Variants in SEMA3E observed in about 807,000 individuals in gnomAD.
The protein encoded by SEMA3E is semaphorin 3E, also known as semaphorin-3E.
SEMA3E carries 49 observed loss-of-function variants against 93.6 expected under a neutral mutation model. That is an observed-to-expected ratio of 0.52 (90% CI 0.42 to 0.66). The LOEUF is 0.66. Among genes scored for constraint, SEMA3E ranks in the 30% least tolerant of loss-of-function variants. The pLI, the probability that SEMA3E is intolerant of heterozygous loss-of-function variation, is 0.00. For synonymous variants in SEMA3E, 363 were observed against 330.7 expected (o/e 1.10, Z -1.06); for missense variants, 906 against 964.8 (o/e 0.94, Z 0.81).
intron 1 of SEMA3E, among the ~76,000 whole-genome samples, chr7:83,527,825 A>T (rs1791192956): frequency 6.6e-6 from 1 of 151,930 alleles, no homozygotes; most frequent in Non-Finnish European, 1.5e-5. Flanking sequence ...GAAACAACTT[A>T]TATCATTTGT....
intron 1 of SEMA3E, among the ~76,000 whole-genome samples, chr7:83,592,994 C>T (rs1466864401): frequency 6.6e-6 from 1 of 151,876 alleles, no homozygotes; most frequent in Non-Finnish European, 1.5e-5. Flanking sequence ...GCTCTGTTGC[C>T]CAGGCTGGAG....
rs369344554 is a variant in SEMA3E, at chr7:83,570,319, C to T, written c.115+78109G>A. Among the ~76,000 whole-genome samples, 568 of 151,498 alleles carry T rather than the reference C, an allele frequency of 3.7e-3. 6 individuals are homozygous for T. The highest frequency in any genetic ancestry group is 0.013 in the African/African-American group (539 of 41,272). On this transcript the variant is annotated intron_variant, in intron 1 of 16. Transcript: ENST00000643230. ...CTGTAATCCCAGCACTTTGGGAGGC[C>T]GAGGCGGGCGGATCACGAGGTCAGG...
Position 83,367,680 on chromosome 7 carries a change from G to C in SEMA3E, c.2234C>G (p.Ser745Ter). Residue 745 changes from serine to a stop codon, truncating the protein, a stop_gained, in exon 17 of 17, where the codon TCA (serine) becomes TGA (stop). Coordinates refer to ENST00000643230, the MANE Select transcript of SEMA3E (RefSeq NM_012431.3). LOFTEE classifies it high-confidence loss of function. ...TDRKRKKLKMSPSKWKYANPQ... is the reference protein window; with the variant it reads ...TDRKRKKLKM ...GTTGGCATACTTCCACTTGGAGGGTGACATTTTAAGCTTTTTCCTCTTTCT... is the reference window on the plus strand; with the variant it reads ...GTTGGCATACTTCCACTTGGAGGGTCACATTTTAAGCTTTTTCCTCTTTCT... 1 of 1,614,112 alleles carries C rather than the reference G, an allele frequency of 6.2e-7. No individual in the cohort carries two copies. The highest frequency in any genetic ancestry group is 8.5e-7 in the Non-Finnish European group (1 of 1,180,032).
At chr7:83,633,029 A>G (rs528972733) in intron 1 of SEMA3E, among the ~76,000 whole-genome samples, 1 of 152,178 alleles carries the variant, frequency 6.6e-6, no homozygotes, top group Admixed American at 6.5e-5. Flanking sequence ...CCTAAACTAT[A>G]GTCTTTTTTT....
chr7:83,443,613 T>C (rs545888883), intron 4 of SEMA3E, among the ~76,000 whole-genome samples: 8 of 152,150 alleles, frequency 5.3e-5, no homozygotes, highest in Non-Finnish European at 1.0e-4. Context: ...AAATGATTAG[T>C]ATAGAAGAGG....
At position 83,406,555 on chromosome 7, in the gene SEMA3E, T is replaced by G. The variant is rs944503835; in HGVS notation, c.814-496A>C. ...CACAATATATATATGCACACATATTTATATGTAAATTTATTTTCGAACATC... is the reference window on the plus strand; with the variant it reads ...CACAATATATATATGCACACATATTGATATGTAAATTTATTTTCGAACATC... On this transcript the variant is annotated intron_variant, in intron 7 of 16. Transcript: ENST00000643230. Among the ~76,000 whole-genome samples, 2 of 136,212 alleles carry G rather than the reference T, an allele frequency of 1.5e-5. 1 individual carries two copies. The highest frequency in any genetic ancestry group is 1.6e-4 in the Admixed American group (2 of 12,348). 89.4% of individuals were successfully genotyped at this position (136,212 alleles called of 152,430 possible).
At chr7:83,562,772 T>C (rs932835777) in intron 1 of SEMA3E, among the ~76,000 whole-genome samples, 10 of 152,028 alleles carry the variant, frequency 6.6e-5, no homozygotes, top group African/African-American at 2.4e-4. Context: ...GGCTTTTTAG[T>C]AGCGCGAAGA....
At chr7:83,536,619 AAC>A (rs998875578) in intron 1 of SEMA3E, among the ~76,000 whole-genome samples, 21 of 152,148 alleles carry the variant, frequency 1.4e-4, no homozygotes, top group African/African-American at 4.3e-4. Context: ...GTTGTTAAAA[AAC>A]ACATCACAAA....
chr7:83,490,070 C>T (rs1197563013), intron 2 of SEMA3E, 44 bp downstream of exon 2: 2 of 1,584,504 alleles, frequency 1.3e-6, no homozygotes, highest in Middle Eastern at 1.7e-4. Context: ...TGAAATTTCC[C>T]CCCTTTTCTA....
At chr7:83,376,017 C>T (rs2116903325) in intron 16 of SEMA3E, among the ~76,000 whole-genome samples, 1 of 152,072 alleles carries the variant, frequency 6.6e-6, no homozygotes, top group South Asian at 2.1e-4. Flanking sequence ...AAAGTAAATT[C>T]TGAATATTTA....
At chr7:83,478,156 C>T (rs1790059114) in intron 2 of SEMA3E, among the ~76,000 whole-genome samples, 1 of 152,196 alleles carries the variant, frequency 6.6e-6, no homozygotes, top group Non-Finnish European at 1.5e-5. Flanking sequence ...CTCCTGACCT[C>T]AGGTGATCTG....
At chr7:83,402,208 G>A (rs1212100437) in intron 10 of SEMA3E, among the ~76,000 whole-genome samples, 1 of 151,944 alleles carries the variant, frequency 6.6e-6, no homozygotes, top group Non-Finnish European at 1.5e-5. Context: ...GGAAATTAGA[G>A]GCTAATTTAA....
At chr7:83,369,666 C>T (rs1042510743) in intron 16 of SEMA3E, among the ~76,000 whole-genome samples, 5 of 152,088 alleles carry the variant, frequency 3.3e-5, no homozygotes, top group African/African-American at 1.2e-4. Flanking sequence ...ACCAAGAAGA[C>T]CCTCAAAGCA....
intron 1 of SEMA3E, among the ~76,000 whole-genome samples, chr7:83,640,627 T>C (rs1793988161): frequency 6.6e-6 from 1 of 152,194 alleles, no homozygotes; most frequent in Non-Finnish European, 1.5e-5. Context: ...TTCTAAAAAA[T>C]TCAAAGGTTA....
At position 83,526,050 on chromosome 7, in the gene SEMA3E, C is replaced by T. The variant is rs181764939; in HGVS notation, c.116-35776G>A. On this transcript the variant is annotated intron_variant, in intron 1 of 16. Transcript: ENST00000643230. ...TTTCAACTGTGTCTCTGGAGAGCTG[C>T]CAGCATTCTGAAGCCTTAGGAAAAG... Among the ~76,000 whole-genome samples, 50 of 152,020 alleles carry T rather than the reference C, an allele frequency of 3.3e-4. 3 individuals are homozygous for T. The highest frequency in any genetic ancestry group is 2.2e-3 in the Admixed American group (34 of 15,240).
intron 1 of SEMA3E, among the ~76,000 whole-genome samples, chr7:83,530,308 C>T (rs1424110609): frequency 6.6e-6 from 1 of 152,050 alleles, no homozygotes; most frequent in African/African-American, 2.4e-5. Context: ...CTTAAATAAC[C>T]AGTAGCAGAA....
At chr7:83,559,617 G>A (rs1355225258) in intron 1 of SEMA3E, among the ~76,000 whole-genome samples, 7 of 151,938 alleles carry the variant, frequency 4.6e-5, no homozygotes, top group Non-Finnish European at 8.8e-5. Context: ...ATTCATTGTC[G>A]GTGGGAAGGC....
chr7:83,565,068 C>G (rs1450734726), intron 1 of SEMA3E, among the ~76,000 whole-genome samples: 2 of 152,112 alleles, frequency 1.3e-5, no homozygotes, highest in African/African-American at 2.4e-5. Flanking sequence ...CTATAAACAC[C>G]TCTATGCAAA....
At chr7:83,428,291 T>TAG (rs1788813199) in intron 4 of SEMA3E, among the ~76,000 whole-genome samples, 1 of 152,208 alleles carries the variant, frequency 6.6e-6, no homozygotes, top group Admixed American at 6.5e-5. Context: ...TTCAGTGCCA[T>TAG]AGGGATATTC....
Sources: allele counts gnomAD v4.1 joint callset (sites outside exome capture counted in the v4.1 genomes callset), GRCh38; gene constraint gnomAD v4.1.1; transcripts MANE v1.5; gene names NCBI Gene and HGNC (gene_info 2026-07-23, HGNC 2026-07-21).